Variants in MCUB observed in about 807,000 individuals in gnomAD.
MCUB encodes calcium uniporter regulatory subunit MCUb, mitochondrial.
Under a neutral mutation model 41.4 loss-of-function variants are expected in MCUB, and 46 were observed. The ratio of observed to expected loss-of-function variants is 1.11; its 90% CI spans 0.88 to 1.42. The LOEUF is 1.42. MCUB is among the 40% of genes most tolerant of loss of function. MCUB has a pLI of 0.00. For missense variants in MCUB, 403 were observed against 404.9 expected (o/e 1.00, Z 0.04); for synonymous variants, 148 against 148.2 (o/e 1.00, Z 0.01).
intron 1 of MCUB, among the ~76,000 whole-genome samples, chr4:109,603,668 G>A (rs11734127): frequency 0.23 from 35,222 of 150,980 alleles, 4,355 homozygotes; most frequent in Middle Eastern, 0.28. Context: ...GCCTCTGCCC[G>A]GCCACCACCC....
At chr4:109,573,055 T>C (rs1463035203) in intron 1 of MCUB, among the ~76,000 whole-genome samples, 2 of 152,214 alleles carry the variant, frequency 1.3e-5, no homozygotes, top group Admixed American at 6.5e-5. Context: ...AATATCATTG[T>C]AGGTCCTGTG....
At chr4:109,586,096 C>T (rs779346877) in intron 1 of MCUB, among the ~76,000 whole-genome samples, 3 of 152,188 alleles carry the variant, frequency 2.0e-5, no homozygotes, top group South Asian at 2.1e-4. Flanking sequence ...ACCAATCAGA[C>T]GTAGATTTGG....
At chr4:109,611,566 ATTG>A (rs1728008222) in intron 1 of MCUB, among the ~76,000 whole-genome samples, 3 of 152,184 alleles carry the variant, frequency 2.0e-5, no homozygotes, top group Admixed American at 2.0e-4. Context: ...GATGTTCCCT[ATTG>A]TTTAACAACA....
chr4:109,593,264 T>C (rs1214699620), intron 1 of MCUB, among the ~76,000 whole-genome samples: 1 of 151,738 alleles, frequency 6.6e-6, no homozygotes, highest in Non-Finnish European at 1.5e-5. Flanking sequence ...TCCCTAAAGA[T>C]TGGATGAGTC....
chr4:109,605,903 ATG>A (rs1271733496), intron 1 of MCUB, among the ~76,000 whole-genome samples: 1 of 151,710 alleles, frequency 6.6e-6, no homozygotes, highest in East Asian at 1.9e-4. Flanking sequence ...TTTTCAGTCT[ATG>A]TGTCTCTTTG....
At chr4:109,569,497 C>CTTTT (rs35808519) in intron 1 of MCUB, among the ~76,000 whole-genome samples, 49 of 87,198 alleles carry the variant, frequency 5.6e-4, no homozygotes, top group South Asian at 1.2e-3. Context: ...TTGGCTATCC[C>CTTTT]TTTTTTTTTT....
chr4:109,598,676 T>G (rs1288379326), intron 1 of MCUB, among the ~76,000 whole-genome samples: 2 of 152,172 alleles, frequency 1.3e-5, no homozygotes, highest in African/African-American at 4.8e-5. Context: ...TCTCTTTCAA[T>G]TATGATCTGG....
At chr4:109,567,969 G>T (rs918329297) in intron 1 of MCUB, among the ~76,000 whole-genome samples, 2 of 152,152 alleles carry the variant, frequency 1.3e-5, no homozygotes, top group Admixed American at 6.5e-5. Flanking sequence ...AAAGTGCTGG[G>T]ATTACAGGTG....
chr4:109,601,088 C>A (rs549345399), intron 1 of MCUB, among the ~76,000 whole-genome samples: 2 of 145,610 alleles, frequency 1.4e-5, no homozygotes, highest in African/African-American at 5.0e-5. Context: ...CTACCGCACC[C>A]GGCCTATTGT....
At chr4:109,679,870 C>T (rs770993163) in intron 4 of MCUB, among the ~76,000 whole-genome samples, 13 of 152,056 alleles carry the variant, frequency 8.5e-5, no homozygotes, top group African/African-American at 1.4e-4. Context: ...GGTGCAATCT[C>T]GGCTCACTGC....
chr4:109,586,470 A>G (rs1275545709), intron 1 of MCUB, among the ~76,000 whole-genome samples: 1 of 152,190 alleles, frequency 6.6e-6, no homozygotes, highest in Non-Finnish European at 1.5e-5. Flanking sequence ...TCTCAAAGTC[A>G]TTCTCCGTCC....
At chr4:109,616,956 A>G (rs1728138846) in intron 1 of MCUB, among the ~76,000 whole-genome samples, 1 of 152,186 alleles carries the variant, frequency 6.6e-6, no homozygotes, top group South Asian at 2.1e-4. Context: ...ATAACTGAAT[A>G]TATGCATATT....
rs528858918 is a variant in MCUB, at chr4:109,604,717, A to G, written c.99+44281A>G. On this transcript the variant is annotated intron_variant, in intron 1 of 7. Coordinates refer to ENST00000394650, the MANE Select transcript of MCUB (RefSeq NM_017918.5). ...TATACCCAGTTTTTCGAGAGTTTTT[A>G]TCATGAAAGGATGTTGAATTTTATC... is the stretch of plus-strand genomic sequence containing the variant. Among the ~76,000 whole-genome samples the G allele has an allele frequency of 5.9e-5, 9 of 152,276 alleles. No individual in the cohort carries two copies. The South Asian group carries it at 1.0e-3, about 18-fold the overall frequency.
intron 1 of MCUB, among the ~76,000 whole-genome samples, chr4:109,579,323 C>T (rs1727111528): frequency 6.6e-6 from 1 of 151,184 alleles, no homozygotes; most frequent in Non-Finnish European, 1.5e-5. Context: ...GATCTCAGTT[C>T]ACTGCAACCT....
intron 6 of MCUB, chr4:109,685,019 C>T (rs2126153166): frequency 2.4e-6 from 1 of 409,530 alleles, no homozygotes; most frequent in Non-Finnish European, 4.3e-6. Flanking sequence ...TCTTCTTTCC[C>T]ATTATGTGTA....
At position 109,684,408 on chromosome 4, in the gene MCUB, G is replaced by T. The variant is rs763019992; in HGVS notation, c.613-35G>T. 3.9e-6 allele frequency: 6 copies of T among 1,532,442 alleles called. No homozygotes were observed. The African/African-American group carries it at 6.9e-5, about 18-fold the overall frequency. The allele number at this position is 1,532,442 out of a possible 1,614,324, so 94.9% of individuals were successfully genotyped here. Reference sequence around the variant, plus strand: ...TTTTGTCCCTTTAGTTGGTGTATTTGTAAACAGAATTAACAGTTTTTCATT... The same window carrying T: ...TTTTGTCCCTTTAGTTGGTGTATTTTTAAACAGAATTAACAGTTTTTCATT... On this transcript the variant is annotated intron_variant, in intron 5 of 7. Transcript: ENST00000394650.
intron 1 of MCUB, among the ~76,000 whole-genome samples, chr4:109,622,967 C>T (rs1434095575): frequency 6.6e-6 from 1 of 152,162 alleles, no homozygotes; most frequent in East Asian, 1.9e-4. Context: ...TTGTGTTTCG[C>T]GCTTTTGCAT....
At position 109,623,041 on chromosome 4, in the gene MCUB, A is replaced by G. The variant is rs569167287; in HGVS notation, c.100-35970A>G. Among the ~76,000 whole-genome samples, 7 of 152,294 alleles carry G rather than the reference A, an allele frequency of 4.6e-5. No homozygotes were observed. In the South Asian group the frequency reaches 1.5e-3, roughly 32 times the overall value. On this transcript the variant is annotated intron_variant, in intron 1 of 7. Transcript: ENST00000394650. Reference sequence around the variant, plus strand: ...TTCTGGTGAGAAGAAGAGGAAGGCAATTACTCTTGAGATGAAACTCAAGAT... The same window carrying G: ...TTCTGGTGAGAAGAAGAGGAAGGCAGTTACTCTTGAGATGAAACTCAAGAT...
intron 1 of MCUB, among the ~76,000 whole-genome samples, chr4:109,596,810 G>A (rs2126129696): frequency 6.6e-6 from 1 of 150,690 alleles, no homozygotes; most frequent in African/African-American, 2.4e-5. Context: ...TAGGACAATA[G>A]TGGAGGGAAG....
Sources: gnomAD v4.1 joint callset for allele counts (sites outside exome capture counted in the v4.1 genomes callset) on GRCh38, gnomAD v4.1.1 for gene constraint, MANE v1.5 for transcripts, NCBI Gene and HGNC (gene_info 2026-07-23, HGNC 2026-07-21) for gene names.